MMUT: variants seen among roughly 807,000 people sequenced by gnomAD.
MMUT encodes methylmalonyl-CoA mutase.
A neutral mutation model predicts 79.9 loss-of-function variants in MMUT; 79 were observed. That is an observed-to-expected ratio of 0.99 (90% CI 0.82 to 1.19). MMUT has a LOEUF of 1.19. MMUT is among the 50% of genes most tolerant of loss of function. The pLI, the probability that MMUT is intolerant of heterozygous loss-of-function variation, is 0.00. For missense variants in MMUT, 860 were observed against 917.2 expected (o/e 0.94, Z 0.81); for synonymous variants, 273 against 295.7 (o/e 0.92, Z 0.79).
At chr6:49,438,358 C>T (rs958456367) in intron 11 of MMUT, among the ~76,000 whole-genome samples, 17 of 151,932 alleles carry the variant, frequency 1.1e-4, no homozygotes, top group Admixed American at 3.9e-4. Flanking sequence ...CAAAAATAAA[C>T]GAAAATAACC....
chr6:49,433,117 A>G lies in MMUT; in HGVS notation c.2125-1261T>C, dbSNP rs533257954. 1.4e-4 allele frequency among the ~76,000 whole-genome samples: 22 copies of G among 152,366 alleles called. 1 individual carries two copies. The South Asian group carries it at 4.6e-3, about 32-fold the overall frequency. On this transcript the variant is annotated intron_variant, in intron 12 of 12. Transcript: ENST00000274813. ...AATCTGTTTCCCCAGTACTTGACAC[A>G]TAAAAGTGCTCAAAACATGTCATTG... is the stretch of plus-strand genomic sequence containing the variant.
At chr6:49,460,572 G>A (rs986465288) in intron 1 of MMUT, among the ~76,000 whole-genome samples, 4 of 152,062 alleles carry the variant, frequency 2.6e-5, no homozygotes, top group African/African-American at 7.2e-5. Context: ...AAATAAAGTC[G>A]CTTGATCAAA....
intron 3 of MMUT, among the ~76,000 whole-genome samples, chr6:49,457,271 A>T (rs1485018594): frequency 1.3e-5 from 2 of 152,194 alleles, no homozygotes; most frequent in African/African-American, 4.8e-5. Flanking sequence ...TTCAAGGGTG[A>T]ATATTAGGGA....
intron 8 of MMUT, 30 bp downstream of exon 8, chr6:49,447,640 A>C (rs1375927778): frequency 1.7e-6 from 2 of 1,198,126 alleles, no homozygotes; most frequent in Non-Finnish European, 2.4e-6. Context: ...AAAATACTTA[A>C]AAAAAAAAAA....
chr6:49,461,745 G>T (rs1432688885), intron 1 of MMUT, among the ~76,000 whole-genome samples: 1 of 152,024 alleles, frequency 6.6e-6, no homozygotes, highest in Non-Finnish European at 1.5e-5. Flanking sequence ...CTCCAACCTG[G>T]GCAACAGAGA....
intron 11 of MMUT, among the ~76,000 whole-genome samples, chr6:49,436,830 C>T (rs1403939375): frequency 6.6e-6 from 1 of 152,072 alleles, no homozygotes; most frequent in Admixed American, 6.6e-5. Context: ...CAAACTAATA[C>T]AGGAACAGAA....
rs767453976 is a variant in MMUT, at chr6:49,435,583, A to G, written c.1997T>C (p.Val666Ala). 5.6e-6 allele frequency: 9 copies of G among 1,614,052 alleles called. No homozygotes were observed. In the South Asian group the frequency reaches 8.8e-5, roughly 16 times the overall value. Residue 666 changes from valine to alanine, a missense_variant, in exon 12 of 13, where the codon GTG (valine) becomes GCG (alanine). Transcript: ENST00000274813. Reference protein sequence around the residue: ...EVAQQAVDADVHAVGISTLAA... With the variant: ...EVAQQAVDADAHAVGISTLAA... ...GAGGGTGCTTATGCCCACAGCATGC[A>G]CATCCGCATCCACAGCCTGCTGGGC... is the stretch of plus-strand genomic sequence containing the variant.
chr6:49,433,494 AAAATAT>A (rs199913933), intron 12 of MMUT, among the ~76,000 whole-genome samples: 1 of 152,216 alleles, frequency 6.6e-6, no homozygotes, highest in East Asian at 1.9e-4. Flanking sequence ...TTTCCAAATA[AAAATAT>A]ATGTTTGAAT....
chr6:49,431,526 AT>A lies in MMUT; in HGVS notation c.*201del, dbSNP rs10713340. The A allele has an allele frequency of 0.35, 161,360 of 454,910 alleles. 27,690 individuals are homozygous for A. Among genetic ancestry groups the A allele is most frequent in the African/African-American group, 0.39 (19,638 of 49,898 alleles). 28.2% of individuals were successfully genotyped at this position (454,910 alleles called of 1,614,324 possible). A position where few individuals can be genotyped will look rare whatever the true frequency, so the allele number is the denominator to read the frequency against. On this transcript the variant is annotated 3_prime_UTR_variant, in exon 13 of 13. Coordinates refer to ENST00000274813, the MANE Select transcript of MMUT (RefSeq NM_000255.4). ...TAGAGAGTATAGAGAGTTTTTAGGGATTTTTTTTTTATTTTTGAAGTGAAAC... is the reference window on the plus strand; with the variant it reads ...TAGAGAGTATAGAGAGTTTTTAGGGATTTTTTTTTATTTTTGAAGTGAAAC...
intron 1 of MMUT, 43 bp downstream of exon 1, chr6:49,463,060 G>C (rs1296054473): frequency 6.5e-6 from 1 of 152,688 alleles, no homozygotes; most frequent in African/African-American, 2.4e-5. Flanking sequence ...AGGGACAGGA[G>C]CCAGAAGAAT....
chr6:49,462,473 A>G (rs992667608), intron 1 of MMUT, among the ~76,000 whole-genome samples: 5 of 152,234 alleles, frequency 3.3e-5, no homozygotes. Flanking sequence ...ATATTGGCAG[A>G]AAATCATCAA....
chr6:49,435,381 T>C (rs1266907902), intron 12 of MMUT, 75 bp downstream of exon 12: 1 of 1,399,946 alleles, frequency 7.1e-7, no homozygotes, highest in Non-Finnish European at 1.0e-6. Context: ...TACAAGTTTA[T>C]CTTTAGAACC....
intron 11 of MMUT, among the ~76,000 whole-genome samples, chr6:49,439,576 G>C (rs1174326720): frequency 1.3e-5 from 2 of 152,160 alleles, no homozygotes; most frequent in Non-Finnish European, 2.9e-5. Flanking sequence ...AAATAGGCCA[G>C]AGTAACACAG....
intron 1 of MMUT, among the ~76,000 whole-genome samples, 191 bp downstream of exon 1, chr6:49,462,910 TAG>T (rs1289230905): frequency 6.6e-6 from 1 of 152,072 alleles, no homozygotes; most frequent in East Asian, 1.9e-4. Context: ...CGCCCAAAAC[TAG>T]AGGTTGGTCG....
chr6:49,444,645 C>G lies in MMUT; in HGVS notation c.1670G>C (p.Arg557Pro), dbSNP rs756389945. The part of the protein sequence containing the change: ...NILALAVDAS[R>P]ARCTVGEITD... ...CAAACTTATATATCTTCACCTTGCC[C>G]GAGATGCATCCACTGCAAGAGCCAG... Residue 557 changes from arginine (R) to proline (P), a missense_variant, in exon 9 of 13, where the codon CGG becomes CCG. Arg to Pro is a moderately radical substitution (Grantham distance 103). Transcript: ENST00000274813. 1.9e-6 allele frequency: 3 copies of G among 1,612,206 alleles called. No homozygotes were observed. Among genetic ancestry groups the G allele is most frequent in the Non-Finnish European group, 2.5e-6 (3 of 1,178,626 alleles).
At chr6:49,452,567 T>C (rs1767581132) in intron 5 of MMUT, among the ~76,000 whole-genome samples, 1 of 152,150 alleles carries the variant, frequency 6.6e-6, no homozygotes, top group East Asian at 1.9e-4. Context: ...TCTCCTGACC[T>C]TGTGATCTGC....
chr6:49,444,537 C>T (rs1207988570), intron 9 of MMUT, 102 bp downstream of exon 9: 30 of 900,072 alleles, frequency 3.3e-5, no homozygotes, highest in Non-Finnish European at 5.1e-5. Context: ...TTCTTTTGGG[C>T]TCACATGGTT....
Position 49,459,270 on chromosome 6 carries a change from C to T in MMUT, c.197G>A (p.Gly66Glu). ...PEDLIWHTPE[G>E]ISIKPLYSKR... ...GGAATACAAGGGTTTTATAGAGATC[C>T]CTTCCGGGGTGTGCCATATTAGGTC... The change falls in exon 2 of 13, where the codon GGG becomes GAG. Residue 66 changes from glycine to glutamate, a missense_variant. By Grantham distance (98) the Gly-to-Glu change is moderately conservative (BLOSUM62 -2). Coordinates refer to ENST00000274813, the MANE Select transcript of MMUT (RefSeq NM_000255.4). 6.2e-7 allele frequency: 1 copy of T among 1,614,110 alleles called. No individual in the cohort carries two copies. Among genetic ancestry groups the T allele is most frequent in the Non-Finnish European group, 8.5e-7 (1 of 1,180,014 alleles).
chr6:49,433,713 T>C (rs1234463221), intron 12 of MMUT, among the ~76,000 whole-genome samples: 1 of 152,232 alleles, frequency 6.6e-6, no homozygotes, highest in African/African-American at 2.4e-5. Context: ...AAGCTCCACA[T>C]GGCAGAAGCT....
Sources: allele counts gnomAD v4.1 joint callset (sites outside exome capture counted in the v4.1 genomes callset), GRCh38; gene constraint gnomAD v4.1.1; transcripts MANE v1.5; gene names NCBI Gene and HGNC (gene_info 2026-07-23, HGNC 2026-07-21).